TLE1: variants seen among roughly 807,000 people sequenced by gnomAD.
The protein encoded by TLE1 is TLE family member 1, transcriptional corepressor.
A neutral mutation model predicts 89.8 loss-of-function variants in TLE1; 21 were observed. The observed-to-expected ratio is 0.23, with a 90% CI of 0.17 to 0.34. The LOEUF is 0.34. Ranked by LOEUF, TLE1 falls within the 10% of genes least tolerant of loss-of-function variation. The pLI, the probability that TLE1 is intolerant of heterozygous loss-of-function variation, is 1.00. For synonymous variants in TLE1, 447 were observed against 407.6 expected, an observed-to-expected ratio of 1.10 and a Z score of -1.16; for missense variants, 795 against 1,031.2, an observed-to-expected ratio of 0.77 and a Z score of 3.14.
At chr9:81,623,953 G>A (rs1825605583) in intron 8 of TLE1, among the ~76,000 whole-genome samples, 1 of 152,070 alleles carries the variant, frequency 6.6e-6, no homozygotes, top group South Asian at 2.1e-4. Flanking sequence ...GGACTAGGAT[G>A]TCCAGAGACA....
At chr9:81,613,033 G>C (rs1200658618) in intron 12 of TLE1, among the ~76,000 whole-genome samples, 3 of 151,708 alleles carry the variant, frequency 2.0e-5, no homozygotes, top group Non-Finnish European at 4.4e-5. Flanking sequence ...ATTCCAGCCT[G>C]GGGGGGACAA....
In TLE1 at chr9:81,688,256, C is replaced by G. The variant is rs1315319124; in HGVS notation, c.-16G>C. 12 of 1,578,194 alleles carry G rather than the reference C, an allele frequency of 7.6e-6. No individual in the cohort carries two copies. Among genetic ancestry groups the G allele is most frequent in the Non-Finnish European group, 1.0e-5 (12 of 1,164,164 alleles). On this transcript the variant is annotated 5_prime_UTR_variant, in exon 1 of 20. Coordinates refer to ENST00000376499, the MANE Select transcript of TLE1 (RefSeq NM_005077.5). The stretch of plus-strand genomic sequence containing the variant: ...GCGGGAACATCGCTCTGGCGGCGGC[C>G]GGGGCTCTGTTCCCCGGCAACTCAA...
intron 8 of TLE1, chr9:81,620,860 G>T: frequency 1.2e-6 from 1 of 831,742 alleles, no homozygotes; most frequent in Non-Finnish European, 1.8e-6. Flanking sequence ...GTATGTGGAT[G>T]TGTTTTTATT....
At chr9:81,584,599 T>A in intron 18 of TLE1, 75 bp from the exon 19 acceptor site, 1 of 1,372,642 alleles carries the variant, frequency 7.3e-7, no homozygotes, top group Non-Finnish European at 1.0e-6. Context: ...TTGGACTTAA[T>A]CAAACTAAGA....
At chr9:81,655,776 G>T (rs1336541747) in intron 4 of TLE1, among the ~76,000 whole-genome samples, 1 of 148,878 alleles carries the variant, frequency 6.7e-6, no homozygotes, top group Non-Finnish European at 1.5e-5. Flanking sequence ...GAAATCCCAG[G>T]AACAAAGTCG....
intron 14 of TLE1, 99 bp downstream of exon 14, chr9:81,610,121 A>G: frequency 2.8e-6 from 3 of 1,061,614 alleles, no homozygotes; most frequent in Non-Finnish European, 4.2e-6. Context: ...ATCTCCTTGG[A>G]AACGCCCAAG....
At chr9:81,681,460 G>C (rs1833614669) in intron 4 of TLE1, among the ~76,000 whole-genome samples, 1 of 151,890 alleles carries the variant, frequency 6.6e-6, no homozygotes, top group Non-Finnish European at 1.5e-5. Context: ...TGAGGCAGGA[G>C]AATCGCTTGA....
At chr9:81,636,470 T>C in intron 6 of TLE1, among the ~76,000 whole-genome samples, 1 of 150,096 alleles carries the variant, frequency 6.7e-6, no homozygotes, top group East Asian at 2.0e-4. Context: ...GGGAATGCAA[T>C]GATGCATACA....
In TLE1 at chr9:81,593,055, A is replaced by G; in HGVS notation, c.1551T>C (p.Asn517=). The change falls in exon 15 of 20, where the codon AAT becomes AAC. Residue 517 remains asparagine, a synonymous_variant. Coordinates refer to ENST00000376499, the MANE Select transcript of TLE1 (RefSeq NM_005077.5). Reference sequence around the variant, plus strand: ...AGTCGAGCTGGGAGACAGGGCTCTTATTGCCAGGGTGGCTGATGTCCCAGA... The same window carrying G: ...AGTCGAGCTGGGAGACAGGGCTCTTGTTGCCAGGGTGGCTGATGTCCCAGA... ...VKVWDISHPG[N]KSPVSQLDCL... 6.2e-7 allele frequency: 1 copy of G among 1,613,732 alleles called. No homozygotes were observed. The highest frequency in any genetic ancestry group is 8.5e-7 in the Non-Finnish European group (1 of 1,179,780).
At chr9:81,685,244 T>A (rs565137221) in intron 4 of TLE1, among the ~76,000 whole-genome samples, 78 of 152,240 alleles carry the variant, frequency 5.1e-4, no homozygotes, top group Non-Finnish European at 9.1e-4. Flanking sequence ...TCATATACCT[T>A]GATTACCACG....
chr9:81,610,335 G>A, intron 13 of TLE1, 39 bp from the exon 14 acceptor site: 1 of 1,513,536 alleles, frequency 6.6e-7, no homozygotes, highest in Non-Finnish European at 9.2e-7. Context: ...TCAGTTTATT[G>A]CAGCAGGCAC....
chr9:81,687,570 G>C, intron 1 of TLE1, 136 bp from the exon 2 acceptor site: 1 of 654,624 alleles, frequency 1.5e-6, no homozygotes, highest in Non-Finnish European at 2.7e-6. Context: ...CCAAACTCGA[G>C]TTTGCCCTTC....
At chr9:81,674,681 G>A (rs912518053) in intron 4 of TLE1, among the ~76,000 whole-genome samples, 4 of 152,200 alleles carry the variant, frequency 2.6e-5, no homozygotes, top group Non-Finnish European at 1.5e-5. Flanking sequence ...AACAAAGAGA[G>A]GAGGACTTTG....
chr9:81,607,423 C>T (rs1027725822), intron 14 of TLE1, among the ~76,000 whole-genome samples: 8 of 152,186 alleles, frequency 5.3e-5, no homozygotes, highest in Admixed American at 1.3e-4. Context: ...TCACAGCTCA[C>T]AGCTCTGCTC....
chr9:81,599,634 T>C (rs1830660428), intron 14 of TLE1, among the ~76,000 whole-genome samples: 3 of 152,210 alleles, frequency 2.0e-5, no homozygotes, highest in African/African-American at 7.2e-5. Flanking sequence ...ATTTACCTGC[T>C]ATGGGTAAAA....
chr9:81,595,744 G>A (rs1293744229), intron 14 of TLE1, among the ~76,000 whole-genome samples: 4 of 151,200 alleles, frequency 2.6e-5, no homozygotes. Context: ...GCGTGAACCT[G>A]GGAGGCGGAG....
At chr9:81,685,985 C>G (rs557995627) in intron 2 of TLE1, 89 bp from the exon 3 acceptor site, 3 of 1,434,760 alleles carry the variant, frequency 2.1e-6, no homozygotes, top group East Asian at 4.7e-5. Context: ...AGTAAAAACA[C>G]AGACCAATTT....
intron 4 of TLE1, among the ~76,000 whole-genome samples, chr9:81,661,763 C>G (rs936221381): frequency 6.6e-6 from 1 of 151,896 alleles, no homozygotes; most frequent in African/African-American, 2.4e-5. Flanking sequence ...AAATCCCCCC[C>G]CCAAAAAAAA....
chr9:81,615,184 C>CCAGG (rs1489663420), intron 11 of TLE1, among the ~76,000 whole-genome samples: 2 of 143,892 alleles, frequency 1.4e-5, no homozygotes, highest in African/African-American at 5.1e-5. Context: ...TATGGTGGTA[C>CCAGG]CAGGCGTGGT....
Sources: allele counts gnomAD v4.1 joint callset (sites outside exome capture counted in the v4.1 genomes callset), GRCh38; gene constraint gnomAD v4.1.1; transcripts MANE v1.5; gene names NCBI Gene and HGNC (gene_info 2026-07-23, HGNC 2026-07-21).